Variants in XPOT observed in about 807,000 individuals in gnomAD.
The protein encoded by XPOT is exportin-T.
XPOT carries 34 observed loss-of-function variants against 128.2 expected under a neutral mutation model. The observed-to-expected ratio is 0.27, with a 90% CI of 0.20 to 0.35. The LOEUF (loss-of-function observed/expected upper bound fraction) is 0.35. XPOT is among the 10% of genes least tolerant of loss of function. The probability of loss-of-function intolerance (pLI) is 1.00; values close to 1 mark genes in which losing one functional copy is unlikely to be tolerated. For synonymous variants in XPOT, 348 were observed against 394.3 expected (o/e 0.88, Z 1.39); for missense variants, 838 against 1,125.3 (o/e 0.74, Z 3.65).
rs766275574 is a variant in XPOT at position 64,439,261 on chromosome 12, G to A, written c.2751G>A (p.Gln917=). The A allele has an allele frequency of 1.1e-5, 18 of 1,613,894 alleles. No individual in the cohort carries two copies. Among genetic ancestry groups the A allele is most frequent in the Non-Finnish European group, 1.4e-5 (17 of 1,179,938 alleles). The change falls in exon 23 of 25, where the codon CAG becomes CAA. Residue 917 remains glutamine (Q), a synonymous_variant. Coordinates refer to ENST00000332707, the MANE Select transcript of XPOT (RefSeq NM_007235.6). ...IHLKRGPECV[Q]YLQQEYLPSL... Reference sequence around the variant, plus strand: ...ATCTTCAGGGCCCAGAATGTGTTCAGTATCTTCAACAAGAATACCTGCCCT... The same window carrying A: ...ATCTTCAGGGCCCAGAATGTGTTCAATATCTTCAACAAGAATACCTGCCCT...
chr12:64,425,260 G>A, intron 13 of XPOT, 78 bp downstream of exon 13: 2 of 1,609,156 alleles, frequency 1.2e-6, no homozygotes, highest in Non-Finnish European at 1.7e-6. Flanking sequence ...AATTGTTAGA[G>A]CTTAGTATAT....
intron 12 of XPOT, 29 bp downstream of exon 12, chr12:64,424,752 C>A: frequency 6.2e-7 from 1 of 1,609,110 alleles, no homozygotes; most frequent in Non-Finnish European, 8.5e-7. Flanking sequence ...TTGTAACAAG[C>A]CTACTTCTTT....
intron 3 of XPOT, 77 bp from the exon 4 acceptor site, chr12:64,416,621 C>G: frequency 1.7e-6 from 2 of 1,187,100 alleles, no homozygotes; most frequent in Non-Finnish European, 2.5e-6. Flanking sequence ...TGCTGTATTA[C>G]TCATTACTAT....
At chr12:64,412,892 T>C (rs1385202275) in intron 2 of XPOT, among the ~76,000 whole-genome samples, 1 of 152,170 alleles carries the variant, frequency 6.6e-6, no homozygotes, top group Non-Finnish European at 1.5e-5. Flanking sequence ...AGCAGCCACA[T>C]GGAAGCGATG....
chr12:64,431,819 T>G lies in XPOT; in HGVS notation c.2258T>G (p.Phe753Cys). The change falls in exon 18 of 25, where the codon TTC becomes TGC. Residue 753 changes from phenylalanine (F) to cysteine (C), a missense_variant. Coordinates refer to ENST00000332707, the MANE Select transcript of XPOT (RefSeq NM_007235.6). ...IPLINQITAK[F>C]KIQVSPFLQQ... Reference sequence around the variant, plus strand: ...CTTATCAACCAGATTACGGCCAAATTCAAGGTACCGCAAACTTTCAGAGCT... The same window carrying G: ...CTTATCAACCAGATTACGGCCAAATGCAAGGTACCGCAAACTTTCAGAGCT... The G allele has an allele frequency of 1.9e-6, 3 of 1,610,510 alleles. No individual in the cohort carries two copies. Among genetic ancestry groups the G allele is most frequent in the Non-Finnish European group, 2.5e-6 (3 of 1,177,772 alleles).
At chr12:64,420,899 C>T (rs1410667520) in intron 8 of XPOT, among the ~76,000 whole-genome samples, 1 of 152,208 alleles carries the variant, frequency 6.6e-6, no homozygotes, top group Non-Finnish European at 1.5e-5. Flanking sequence ...CTCCCGGGTT[C>T]AAGTGATTCT....
rs186494539 is a variant in XPOT at position 64,439,143 on chromosome 12, A to G, written c.2734-101A>G. On this transcript the variant is annotated intron_variant, in intron 22 of 24. Transcript: ENST00000332707. ...CTCTCGGGTCTGTGTTCTTAAGCACAATACTATATTGCCTTTAAAGTGTAC... is the reference window on the plus strand; with the variant it reads ...CTCTCGGGTCTGTGTTCTTAAGCACGATACTATATTGCCTTTAAAGTGTAC... The G allele has an allele frequency of 9.4e-4, 1,074 of 1,139,528 alleles. 2 individuals are homozygous for G. The highest frequency in any genetic ancestry group is 1.2e-3 in the Middle Eastern group (6 of 5,000). The allele number at this position is 1,139,528 out of a possible 1,614,324, so 70.6% of individuals were successfully genotyped here.
Position 64,430,078 on chromosome 12 carries a change from C to G in XPOT, c.1767C>G (p.Ser589Arg), listed in dbSNP as rs766274967. 6.2e-7 allele frequency: 1 copy of G among 1,610,770 alleles called. No homozygotes were observed. Among genetic ancestry groups the G allele is most frequent in the African/African-American group, 1.3e-5 (1 of 74,832 alleles). Residue 589 changes from serine to arginine, a missense_variant, in exon 17 of 25, where the codon AGC (serine) becomes AGG (arginine). Physicochemically the swap from Ser to Arg is moderately radical, Grantham distance 110. Transcript: ENST00000332707. ...ATGGCCACCAGTCCTTACTGAGCAG[C>G]GATGATCAACTTTTTATTTATGAGA... is the stretch of plus-strand genomic sequence containing the variant. ...PENGHQSLLSSDDQLFIYETA... is the reference protein window; with the variant it reads ...PENGHQSLLSRDDQLFIYETA...
intron 1 of XPOT, 193 bp downstream of exon 1, chr12:64,404,997 CG>C (rs1001114926): frequency 1.3e-5 from 2 of 152,218 alleles, no homozygotes; most frequent in African/African-American, 4.8e-5. Context: ...GGGCCGCCGC[CG>C]AGGAGCGCGT....
chr12:64,414,860 T>G, intron 2 of XPOT, 47 bp from the exon 3 acceptor site: 52 of 1,179,810 alleles, frequency 4.4e-5, no homozygotes, highest in Non-Finnish European at 6.6e-5. Context: ...AGCAGGGCAT[T>G]GAGATTGTTT....
At position 64,417,896 on chromosome 12, in the gene XPOT, A is replaced by G. The variant is rs189811955; in HGVS notation, c.201-150A>G. 5.4e-3 allele frequency: 2,827 copies of G among 527,378 alleles called. 6 individuals carry two copies. Among genetic ancestry groups the G allele is most frequent in the Middle Eastern group, 7.5e-3 (25 of 3,336 alleles). 32.7% of individuals were successfully genotyped at this position (527,378 alleles called of 1,614,324 possible). A position where few individuals can be genotyped will look rare whatever the true frequency, so the allele number is the denominator to read the frequency against. On this transcript the variant is annotated intron_variant, in intron 4 of 24. Transcript: ENST00000332707. ...CACTCTTGTCCTTATCTTTAAAGCA[A>G]TGATGAGTGGCATTATCAGTTTATG...
Position 64,420,382 on chromosome 12 carries a change from C to T in XPOT, c.704C>T (p.Ser235Leu), listed in dbSNP as rs1014582370. The change falls in exon 8 of 25, where the codon TCA (serine) becomes TTA (leucine). Residue 235 changes from serine to leucine, a missense_variant. By Grantham distance (145) the Ser-to-Leu change is moderately radical. Coordinates refer to ENST00000332707, the MANE Select transcript of XPOT (RefSeq NM_007235.6). ...ATAAATATGCTGCTAGGTCATATGT[C>T]AATAGAAGTTCTACGGGAAGAAGCA... ...RFINMLLGHM[S>L]IEVLREEACD... is the part of the protein sequence containing the mutation. 8 of 1,613,498 alleles carry T rather than the reference C, an allele frequency of 5.0e-6. No individual in the cohort carries two copies. The highest frequency in any genetic ancestry group is 6.8e-6 in the Non-Finnish European group (8 of 1,179,816).
rs887737328 is a variant in XPOT, at chr12:64,418,178, A to C, written c.270+63A>C. On this transcript the variant is annotated intron_variant, in intron 5 of 24. Coordinates refer to ENST00000332707, the MANE Select transcript of XPOT (RefSeq NM_007235.6). ...GATATTTAAACTTATTTTTTGCAAG[A>C]GTTTGGAACTTTACCTCAAAGATTT... 5.0e-6 allele frequency: 7 copies of C among 1,405,562 alleles called. No individual in the cohort carries two copies. The South Asian group carries it at 8.6e-5, about 17-fold the overall frequency. 87.1% of individuals were successfully genotyped at this position (1,405,562 alleles called of 1,614,324 possible).
chr12:64,440,610 T>A (rs749207563), intron 23 of XPOT, among the ~76,000 whole-genome samples: 5 of 152,228 alleles, frequency 3.3e-5, no homozygotes, highest in Non-Finnish European at 7.3e-5. Flanking sequence ...TTTTCCACAA[T>A]GTCACCAACA....
intron 1 of XPOT, among the ~76,000 whole-genome samples, chr12:64,408,137 T>A (rs1387465437): frequency 6.6e-6 from 1 of 151,846 alleles, no homozygotes; most frequent in Non-Finnish European, 1.5e-5. Flanking sequence ...TGAGACAGAG[T>A]CTCGTTCTGT....
At chr12:64,422,806 G>A (rs1592330729) in intron 9 of XPOT, among the ~76,000 whole-genome samples, 199 bp from the exon 10 acceptor site, 1 of 151,930 alleles carries the variant, frequency 6.6e-6, no homozygotes, top group East Asian at 1.9e-4. Context: ...GGGAGGGTGA[G>A]GTGGGAGGAT....
rs545827099 is a variant in XPOT, at chr12:64,413,232, AGTTGGGACT to A, written c.61-1672_61-1664del. Reference sequence around the variant, plus strand: ...ATCCTTCCACCTTAGCCTCCCAAGTAGTTGGGACTGTAGGTGCACGTCACCACTTCTGGC... The same window carrying A: ...ATCCTTCCACCTTAGCCTCCCAAGTAGTAGGTGCACGTCACCACTTCTGGC... On this transcript the variant is annotated intron_variant, in intron 2 of 24. Coordinates refer to ENST00000332707, the MANE Select transcript of XPOT (RefSeq NM_007235.6). Among the ~76,000 whole-genome samples, 77 of 152,262 alleles carry A rather than the reference AGTTGGGACT, an allele frequency of 5.1e-4. No homozygotes were observed. The East Asian group carries it at 0.014, about 27-fold the overall frequency.
At chr12:64,421,545 A>G (rs1285745636) in intron 9 of XPOT, 74 bp downstream of exon 9, 2 of 1,041,710 alleles carry the variant, frequency 1.9e-6, no homozygotes, top group Non-Finnish European at 2.9e-6. Context: ...AATATGGAAA[A>G]ATTAAAAATG....
At chr12:64,404,994 C>T (rs1430443805) in intron 1 of XPOT, 190 bp downstream of exon 1, 1 of 152,264 alleles carries the variant, frequency 6.6e-6, no homozygotes, top group Non-Finnish European at 1.5e-5. Flanking sequence ...CCGGGGCCGC[C>T]GCCGAGGAGC....
Sources: gnomAD v4.1 joint callset for allele counts (sites outside exome capture counted in the v4.1 genomes callset) on GRCh38, gnomAD v4.1.1 for gene constraint, MANE v1.5 for transcripts, NCBI Gene and HGNC (gene_info 2026-07-23, HGNC 2026-07-21) for gene names.